Variants in UBQLN1 observed in about 807,000 individuals in gnomAD.
The protein encoded by UBQLN1 is ubiquilin-1.
Under a neutral mutation model 65.4 loss-of-function variants are expected in UBQLN1, and 13 were observed. That is an observed-to-expected ratio of 0.20 (90% CI 0.13 to 0.32). UBQLN1 has a LOEUF of 0.32. Among genes scored for constraint, UBQLN1 ranks in the 10% least tolerant of loss-of-function variants. The pLI is 1.00. For synonymous variants in UBQLN1, 267 were observed against 247.8 expected (o/e 1.08, Z -0.73); for missense variants, 561 against 724.0 (o/e 0.77, Z 2.58).
rs550367285 is a variant in UBQLN1 at position 83,688,849 on chromosome 9, G to A, written c.181-2694C>T. 7.0e-4 allele frequency among the ~76,000 whole-genome samples: 100 copies of A among 141,856 alleles called. 1 individual carries two copies. Among genetic ancestry groups the A allele is most frequent in the African/African-American group, 2.5e-3 (100 of 39,732 alleles). 93.1% of individuals were successfully genotyped at this position (141,856 alleles called of 152,430 possible). ...GCACTCCAGCCTGGGCGATGAGAGC[G>A]AAACTCCGTTTCAAAAAAAAAAAAA... On this transcript the variant is annotated intron_variant, in intron 1 of 10. Transcript: ENST00000376395.
rs190948471 is a variant in UBQLN1 at position 83,664,812 on chromosome 9, G to A, written c.1448+218C>T. Among the ~76,000 whole-genome samples, 651 of 151,726 alleles carry A rather than the reference G, an allele frequency of 4.3e-3. 3 individuals are homozygous for A. Among genetic ancestry groups the A allele is most frequent in the Non-Finnish European group, 7.7e-3 (522 of 67,934 alleles). ...TGCACACCTGTAGTCCCAGCTACTT[G>A]GGAGGCTGAGGTGAGAGAATCCCTT... On this transcript the variant is annotated intron_variant, in intron 9 of 10. Coordinates refer to ENST00000376395, the MANE Select transcript of UBQLN1 (RefSeq NM_013438.5).
intron 3 of UBQLN1, among the ~76,000 whole-genome samples, chr9:83,682,396 G>A (rs1157415451): frequency 5.9e-5 from 9 of 151,890 alleles, no homozygotes; most frequent in Admixed American, 2.0e-4. Flanking sequence ...GCAGGACACC[G>A]TAAGCCAGGA....
At chr9:83,707,096 A>G (rs1475140241) in intron 1 of UBQLN1, among the ~76,000 whole-genome samples, 2 of 152,144 alleles carry the variant, frequency 1.3e-5, no homozygotes, top group East Asian at 3.9e-4. Flanking sequence ...AATTCATGAA[A>G]CAAAACCGCA....
At chr9:83,688,738 G>A (rs1404465173) in intron 1 of UBQLN1, among the ~76,000 whole-genome samples, 4 of 152,018 alleles carry the variant, frequency 2.6e-5, no homozygotes, top group Non-Finnish European at 5.9e-5. Context: ...GTGCATGTCT[G>A]TAATCCCAGC....
At position 83,686,141 on chromosome 9, in the gene UBQLN1, G is replaced by T; in HGVS notation, c.195C>A (p.Ile65=). 1 of 1,577,282 alleles carries T rather than the reference G, an allele frequency of 6.3e-7. No individual in the cohort carries two copies. The highest frequency in any genetic ancestry group is 8.6e-7 in the Non-Finnish European group (1 of 1,164,330). ...CAGTATGTGATTTAAAACGTTTAGA[G>T]ATTTCTTCCTTAAACTAAATAAAAA... is the stretch of plus-strand genomic sequence containing the variant. ...NSSVQQFKEE[I]SKRFKSHTDQ... Residue 65 remains isoleucine (I), a synonymous_variant, in exon 2 of 11, where the codon ATC becomes ATA. Transcript: ENST00000376395.
In UBQLN1 at chr9:83,669,463, C is replaced by T. The variant is rs747367827; in HGVS notation, c.1106-136G>A. 30 of 814,656 alleles carry T rather than the reference C, an allele frequency of 3.7e-5. No homozygotes were observed. The Admixed American group carries it at 7.4e-4, about 20-fold the overall frequency. 50.5% of individuals were successfully genotyped at this position (814,656 alleles called of 1,614,324 possible). The stretch of plus-strand genomic sequence containing the variant: ...TACATATTATGTATCAACTGAACTA[C>T]GAAAGAACTTTAAAACTAAAACATC... On this transcript the variant is annotated intron_variant, in intron 6 of 10. Transcript: ENST00000376395.
chr9:83,680,991 G>GA (rs1314549368), intron 3 of UBQLN1, among the ~76,000 whole-genome samples: 4 of 152,170 alleles, frequency 2.6e-5, no homozygotes, highest in African/African-American at 4.8e-5. Flanking sequence ...GCTGGTGTCA[G>GA]AAAAAACAGT....
intron 8 of UBQLN1, among the ~76,000 whole-genome samples, chr9:83,665,856 A>C (rs1399679137): frequency 1.3e-5 from 2 of 152,186 alleles, no homozygotes; most frequent in Middle Eastern, 6.3e-3. Flanking sequence ...AACCTTCCTT[A>C]CTTCCTTATA....
At position 83,679,942 on chromosome 9, in the gene UBQLN1, T is replaced by G. The variant is rs201285098; in HGVS notation, c.544A>C (p.Asn182His). 1.2e-6 allele frequency: 2 copies of G among 1,614,184 alleles called. No homozygotes were observed. The highest frequency in any genetic ancestry group is 2.2e-5 in the East Asian group (1 of 44,872). The change falls in exon 4 of 11, where the codon AAC (asparagine) becomes CAC (histidine). Residue 182 changes from asparagine (N) to histidine (H), a missense_variant. Asn to His is a moderately conservative substitution (Grantham distance 68). This residue lies in a region of UBQLN1 where 87 missense variants were observed against 88.8 expected (regional missense o/e 0.98). Transcript: ENST00000376395. ...ATGATCTGGACCATCATTTCAGGGT[T>G]AGACAAAAGTTGTCGCTGCATCTGA... Reference protein sequence around the residue: ...QSQMQRQLLSNPEMMVQIMEN... With the variant: ...QSQMQRQLLSHPEMMVQIMEN...
At chr9:83,668,298 A>G in intron 7 of UBQLN1, 1 of 984,608 alleles carries the variant, frequency 1.0e-6, no homozygotes, top group Non-Finnish European at 1.2e-6. Flanking sequence ...AATAAAAACC[A>G]TTCATTTGAC....
At chr9:83,697,215 CATT>C (rs965890378) in intron 1 of UBQLN1, among the ~76,000 whole-genome samples, 2 of 149,472 alleles carry the variant, frequency 1.3e-5, no homozygotes, top group Non-Finnish European at 3.0e-5. Flanking sequence ...AATTTGATCA[CATT>C]ATTAATATGA....
chr9:83,677,481 G>C (rs1831853766), intron 6 of UBQLN1, among the ~76,000 whole-genome samples: 1 of 152,172 alleles, frequency 6.6e-6, no homozygotes, highest in Non-Finnish European at 1.5e-5. Flanking sequence ...AGAATCACTT[G>C]AACCCAGGAG....
chr9:83,685,564 T>C (rs537790702), intron 2 of UBQLN1, among the ~76,000 whole-genome samples: 1 of 149,732 alleles, frequency 6.7e-6, no homozygotes, highest in Non-Finnish European at 1.5e-5. Flanking sequence ...CAGGCTGACA[T>C]GGGAGCATCA....
At chr9:83,668,013 T>G (rs913838602) in intron 7 of UBQLN1, 1 of 985,412 alleles carries the variant, frequency 1.0e-6, no homozygotes. Context: ...AGTCAAATTT[T>G]AAAAGCAAGA....
At chr9:83,666,206 G>T in intron 8 of UBQLN1, 144 bp downstream of exon 8, 1 of 700,526 alleles carries the variant, frequency 1.4e-6, no homozygotes, top group Non-Finnish European at 2.4e-6. Flanking sequence ...TGAAGATCAA[G>T]CTGAATTCTC....
chr9:83,684,205 T>G (rs1053171733), intron 2 of UBQLN1, among the ~76,000 whole-genome samples: 3 of 151,996 alleles, frequency 2.0e-5, no homozygotes, highest in Non-Finnish European at 2.9e-5. Flanking sequence ...ATTTATTTAT[T>G]TTTTTAAAGA....
chr9:83,707,700 C>T lies in UBQLN1; in HGVS notation c.-21G>A, dbSNP rs1564176443. On this transcript the variant is annotated 5_prime_UTR_variant, in exon 1 of 11. Transcript: ENST00000376395. ...GCCATGGCTGTGGCGGCGGCGGCGG[C>T]GGTGACTCAGGCAAGCAGGAGGGAG... 1.9e-5 allele frequency: 29 copies of T among 1,516,688 alleles called. No individual in the cohort carries two copies. Among genetic ancestry groups the T allele is most frequent in the Admixed American group, 1.3e-4 (6 of 44,634 alleles). 94.0% of individuals were successfully genotyped at this position (1,516,688 alleles called of 1,614,324 possible). A position where few individuals can be genotyped will look rare whatever the true frequency, so the allele number is the denominator to read the frequency against.
intron 10 of UBQLN1, among the ~76,000 whole-genome samples, chr9:83,662,370 A>G (rs911262242): frequency 4.6e-5 from 7 of 152,018 alleles, no homozygotes; most frequent in Non-Finnish European, 8.8e-5. Flanking sequence ...TAACTATAAA[A>G]GCTGGTATCC....
chr9:83,705,873 T>C lies in UBQLN1; in HGVS notation c.180+1627A>G, dbSNP rs113897288. ...ACCCAGAAAAATACACACAGTACTA[T>C]AGGCTCTATGGGATCCCATTTAATG... On this transcript the variant is annotated intron_variant, in intron 1 of 10. Transcript: ENST00000376395. Among the ~76,000 whole-genome samples the C allele has an allele frequency of 9.4e-3, 1,313 of 139,064 alleles. 19 individuals carry two copies. The highest frequency in any genetic ancestry group is 0.034 in the African/African-American group (1,235 of 36,678). The allele number at this position is 139,064 out of a possible 152,430, so 91.2% of individuals were successfully genotyped here.
Sources: gnomAD v4.1 joint callset for allele counts (sites outside exome capture counted in the v4.1 genomes callset) on GRCh38, gnomAD v4.1.1 for gene constraint, gnomAD v4.1.1 regional missense constraint, MANE v1.5 for transcripts, NCBI Gene and HGNC (gene_info 2026-07-23, HGNC 2026-07-21) for gene names.